Variants in CNTNAP5 observed in about 807,000 individuals in gnomAD.
CNTNAP5 encodes contactin associated protein family member 5, also known as contactin-associated protein-like 5.
A neutral mutation model predicts 150.2 loss-of-function variants in CNTNAP5; 72 were observed. The observed-to-expected ratio is 0.48, with a 90% CI of 0.40 to 0.58. CNTNAP5 has a LOEUF of 0.58. Among genes scored for constraint, CNTNAP5 ranks in the 20% least tolerant of loss-of-function variants. CNTNAP5 has a pLI of 0.00. For missense variants in CNTNAP5, 1,636 were observed against 1,626.2 expected, an observed-to-expected ratio of 1.01 and a Z score of -0.10; for synonymous variants, 672 against 619.8, an observed-to-expected ratio of 1.08 and a Z score of -1.25.
chr2:124,100,864 C>CAAAAAAA (rs60441145), intron 1 of CNTNAP5, among the ~76,000 whole-genome samples: 20 of 87,996 alleles, frequency 2.3e-4, no homozygotes, highest in Non-Finnish European at 2.5e-4. Context: ...GACTCTGTCT[C>CAAAAAAA]AAAAAAAAAA....
At chr2:124,710,858 G>A (rs1348299429) in intron 13 of CNTNAP5, among the ~76,000 whole-genome samples, 1 of 152,060 alleles carries the variant, frequency 6.6e-6, no homozygotes, top group African/African-American at 2.4e-5. Flanking sequence ...ACCTCTCTTT[G>A]GGTGTTCTGG....
At chr2:124,754,454 G>A (rs778800728) in intron 14 of CNTNAP5, among the ~76,000 whole-genome samples, 1 of 152,044 alleles carries the variant, frequency 6.6e-6, no homozygotes, top group Non-Finnish European at 1.5e-5. Context: ...ACTAATCAGC[G>A]CCAGCCTCTT....
intron 8 of CNTNAP5, among the ~76,000 whole-genome samples, chr2:124,506,594 A>C (rs539178352): frequency 6.6e-6 from 1 of 152,354 alleles, no homozygotes; most frequent in Non-Finnish European, 1.5e-5. Flanking sequence ...TGAGTCTGGA[A>C]GTCAGGCAGT....
intron 13 of CNTNAP5, among the ~76,000 whole-genome samples, chr2:124,686,800 T>C (rs1302946086): frequency 6.6e-6 from 1 of 152,162 alleles, no homozygotes; most frequent in Admixed American, 6.6e-5. Flanking sequence ...TCTAGACAAG[T>C]CGACCAGAAT....
chr2:124,129,570 G>C (rs570640249), intron 1 of CNTNAP5, among the ~76,000 whole-genome samples: 107 of 152,284 alleles, frequency 7.0e-4, no homozygotes, highest in Non-Finnish European at 1.1e-3. Flanking sequence ...GTGAGTGTAG[G>C]ACTTCCTGAC....
intron 6 of CNTNAP5, among the ~76,000 whole-genome samples, chr2:124,448,867 G>GATA (rs1381252861): frequency 2.6e-5 from 4 of 152,166 alleles, no homozygotes; most frequent in Non-Finnish European, 5.9e-5. Flanking sequence ...CATAAATTGT[G>GATA]TGCTACAAGT....
chr2:124,253,699 G>A (rs1416345039), intron 3 of CNTNAP5, among the ~76,000 whole-genome samples: 1 of 152,034 alleles, frequency 6.6e-6, no homozygotes, highest in Non-Finnish European at 1.5e-5. Flanking sequence ...AAATAATTGG[G>A]CACTACTTAT....
chr2:124,228,259 C>T (rs1367830597), intron 2 of CNTNAP5, among the ~76,000 whole-genome samples: 1 of 152,142 alleles, frequency 6.6e-6, no homozygotes, highest in Admixed American at 6.6e-5. Context: ...GAAAATTCAG[C>T]TTTCCTCTGC....
intron 1 of CNTNAP5, among the ~76,000 whole-genome samples, chr2:124,155,460 G>A (rs145839259): frequency 9.7e-4 from 148 of 152,030 alleles, no homozygotes; most frequent in African/African-American, 1.2e-3. Context: ...GTGTGTGCGC[G>A]CGTGTGTGGT....
chr2:124,648,249 T>G (rs1321211609), intron 13 of CNTNAP5, among the ~76,000 whole-genome samples: 1 of 152,076 alleles, frequency 6.6e-6, no homozygotes, highest in East Asian at 1.9e-4. Context: ...TGAAGAGGAA[T>G]GGGCCTCAAA....
At chr2:124,621,997 G>A (rs1418010731) in intron 12 of CNTNAP5, among the ~76,000 whole-genome samples, 3 of 151,910 alleles carry the variant, frequency 2.0e-5, no homozygotes, top group African/African-American at 7.2e-5. Context: ...ACATATGCAC[G>A]ATGTGGAGGT....
intron 13 of CNTNAP5, among the ~76,000 whole-genome samples, chr2:124,658,560 A>G (rs1232576337): frequency 1.3e-5 from 2 of 152,130 alleles, no homozygotes; most frequent in Non-Finnish European, 2.9e-5. Flanking sequence ...TAGTTATGTA[A>G]TAGGTGATAT....
intron 13 of CNTNAP5, among the ~76,000 whole-genome samples, chr2:124,695,907 TC>T: frequency 6.6e-6 from 1 of 152,284 alleles, no homozygotes; most frequent in East Asian, 1.9e-4. Flanking sequence ...AAAACAAATT[TC>T]CCCTAGGTAG....
chr2:124,581,071 G>T (rs1017479672), intron 11 of CNTNAP5, among the ~76,000 whole-genome samples: 1 of 152,142 alleles, frequency 6.6e-6, no homozygotes, highest in Non-Finnish European at 1.5e-5. Flanking sequence ...AGCACAGATC[G>T]TGGGCTTGGG....
chr2:124,789,421 G>A (rs892259828), intron 17 of CNTNAP5, among the ~76,000 whole-genome samples: 1 of 152,064 alleles, frequency 6.6e-6, no homozygotes, highest in African/African-American at 2.4e-5. Context: ...TTTATTTTAG[G>A]TTCAGGGCTA....
chr2:124,398,708 C>T (rs928665874), intron 3 of CNTNAP5, among the ~76,000 whole-genome samples: 8 of 152,156 alleles, frequency 5.3e-5, no homozygotes, highest in East Asian at 1.9e-4. Context: ...CTTGAACTCC[C>T]GACCTCGGGT....
intron 11 of CNTNAP5, among the ~76,000 whole-genome samples, chr2:124,603,000 T>C (rs575960511): frequency 1.2e-3 from 136 of 114,432 alleles, no homozygotes; most frequent in African/African-American, 4.4e-3. Flanking sequence ...ACATCTTCCC[T>C]CTCTCCCTCC....
At chr2:124,315,994 G>A (rs780112838) in intron 3 of CNTNAP5, among the ~76,000 whole-genome samples, 1 of 152,154 alleles carries the variant, frequency 6.6e-6, no homozygotes, top group Non-Finnish European at 1.5e-5. Context: ...ACCAGCCTGA[G>A]GATGGACCAT....
intron 1 of CNTNAP5, among the ~76,000 whole-genome samples, chr2:124,175,298 C>T (rs1000610220): frequency 3.9e-5 from 6 of 152,164 alleles, no homozygotes; most frequent in Non-Finnish European, 8.8e-5. Context: ...CATTAATTTA[C>T]ATTATGATCT....
Sources: allele counts gnomAD v4.1 joint callset (sites outside exome capture counted in the v4.1 genomes callset), GRCh38; gene constraint gnomAD v4.1.1; transcripts MANE v1.5; gene names NCBI Gene and HGNC (gene_info 2026-07-23, HGNC 2026-07-21).